The following DPP10 variants were observed in gnomAD, a reference collection of about 807,000 sequenced individuals.
DPP10 encodes dipeptidyl peptidase like 10.
In DPP10, 33 loss-of-function variants were observed where a neutral mutation model predicts 120.9. That is an observed-to-expected ratio of 0.27 (90% CI 0.21 to 0.37). DPP10 has a LOEUF of 0.37. DPP10 is among the 10% of genes least tolerant of loss of function. The pLI, the probability that DPP10 is intolerant of heterozygous loss-of-function variation, is 1.00. For missense variants in DPP10, 816 were observed against 942.8 expected (o/e 0.87, Z 1.76); for synonymous variants, 337 against 326.1 (o/e 1.03, Z -0.36).
intron 3 of DPP10, among the ~76,000 whole-genome samples, chr2:115,361,972 ATGTATGTTTGTGTG>A (rs1464013485): frequency 1.7e-4 from 25 of 149,950 alleles, no homozygotes; most frequent in South Asian, 1.3e-3. Context: ...TTGTTTTTGC[ATGTATGTTTGTGTG>A]TGTATGTTTG....
chr2:114,660,675 C>A (rs139707479), intron 1 of DPP10, among the ~76,000 whole-genome samples: 2 of 152,060 alleles, frequency 1.3e-5, no homozygotes, highest in African/African-American at 2.4e-5. Context: ...CTTTAATGTC[C>A]CTTTTAGCTC....
chr2:114,908,080 T>C (rs1694105165), intron 1 of DPP10, among the ~76,000 whole-genome samples: 1 of 152,034 alleles, frequency 6.6e-6, no homozygotes, highest in African/African-American at 2.4e-5. Flanking sequence ...GTAATATTTA[T>C]TTTTTGTTTT....
At chr2:115,211,354 G>C (rs983817255) in intron 1 of DPP10, among the ~76,000 whole-genome samples, 6 of 151,810 alleles carry the variant, frequency 4.0e-5, no homozygotes, top group Non-Finnish European at 7.4e-5. Flanking sequence ...TAGGAAGTCT[G>C]TGAGACAAAA....
At chr2:114,945,411 T>G (rs1326628655) in intron 1 of DPP10, among the ~76,000 whole-genome samples, 4 of 152,182 alleles carry the variant, frequency 2.6e-5, no homozygotes, top group Non-Finnish European at 5.9e-5. Context: ...TCAATTTTTT[T>G]AAATGGGCAA....
chr2:115,746,282 T>C (rs1330135068), intron 10 of DPP10, 99 bp downstream of exon 10: 2 of 1,065,714 alleles, frequency 1.9e-6, no homozygotes, highest in African/African-American at 1.6e-5. Context: ...GCTCAACAAA[T>C]CCACTTGAAA....
At chr2:114,708,894 T>C (rs1700848531) in intron 1 of DPP10, among the ~76,000 whole-genome samples, 1 of 152,166 alleles carries the variant, frequency 6.6e-6, no homozygotes, top group Non-Finnish European at 1.5e-5. Flanking sequence ...CAGCTGGGAC[T>C]ACAGGCACAC....
rs1678982080 is a variant in DPP10 at position 115,753,276 on chromosome 2, C to G, written c.1053C>G (p.Thr351=). ...QNISILTVCE[T]TTGACSKKYE... ...TCTCCATCCTCACAGTCTGTGAGACCACTACAGGTGCTTGTAGTAAAGTGA... is the reference window on the plus strand; with the variant it reads ...TCTCCATCCTCACAGTCTGTGAGACGACTACAGGTGCTTGTAGTAAAGTGA... The change falls in exon 11 of 26, where the codon ACC becomes ACG. Residue 351 remains threonine (T), a synonymous_variant. Coordinates refer to ENST00000410059, the MANE Select transcript of DPP10 (RefSeq NM_020868.6). 1 of 1,607,992 alleles carries G rather than the reference C, an allele frequency of 6.2e-7. No individual in the cohort carries two copies. The highest frequency in any genetic ancestry group is 8.5e-7 in the Non-Finnish European group (1 of 1,176,322).
At chr2:114,928,518 C>A (rs1014150497) in intron 1 of DPP10, among the ~76,000 whole-genome samples, 3 of 152,124 alleles carry the variant, frequency 2.0e-5, no homozygotes, top group Admixed American at 6.5e-5. Context: ...CAGCCCTGAC[C>A]CCATGGCTTT....
At chr2:115,101,875 T>C (rs1421810853) in intron 1 of DPP10, among the ~76,000 whole-genome samples, 1 of 152,178 alleles carries the variant, frequency 6.6e-6, no homozygotes, top group Admixed American at 6.5e-5. Flanking sequence ...AGGTTATCAA[T>C]ACAGTGGACC....
chr2:115,737,766 C>T (rs1159476562), intron 8 of DPP10, among the ~76,000 whole-genome samples: 1 of 152,126 alleles, frequency 6.6e-6, no homozygotes, highest in Non-Finnish European at 1.5e-5. Flanking sequence ...AATTCAATTC[C>T]TCTTTACTTT....
At chr2:115,634,881 G>A (rs1480613141) in intron 5 of DPP10, among the ~76,000 whole-genome samples, 2 of 151,582 alleles carry the variant, frequency 1.3e-5, no homozygotes, top group East Asian at 3.9e-4. Flanking sequence ...GTCCCAGAGA[G>A]ATTAGAGTTC....
intron 1 of DPP10, among the ~76,000 whole-genome samples, chr2:114,625,982 G>A (rs1294811953): frequency 1.3e-5 from 2 of 151,256 alleles, no homozygotes; most frequent in Admixed American, 1.3e-4. Flanking sequence ...TACATTGACA[G>A]AGCAGAGGAT....
At chr2:115,482,297 T>C (rs2075485742) in intron 3 of DPP10, among the ~76,000 whole-genome samples, 1 of 127,956 alleles carries the variant, frequency 7.8e-6, no homozygotes, top group South Asian at 2.6e-4. Context: ...TATATATATA[T>C]ATATCTGCAT....
intron 1 of DPP10, among the ~76,000 whole-genome samples, chr2:114,873,759 C>A (rs561251513): frequency 6.6e-6 from 1 of 152,236 alleles, no homozygotes; most frequent in East Asian, 1.9e-4. Context: ...CCTTAACTCA[C>A]GTCTGTTCAT....
chr2:114,578,273 A>C (rs1407328549), intron 1 of DPP10, among the ~76,000 whole-genome samples: 1 of 152,214 alleles, frequency 6.6e-6, no homozygotes, highest in East Asian at 1.9e-4. Context: ...CTCTGAGAAT[A>C]AAATGAAATA....
chr2:115,506,019 T>G (rs1441826674), intron 4 of DPP10, among the ~76,000 whole-genome samples: 1 of 148,684 alleles, frequency 6.7e-6, no homozygotes, highest in Non-Finnish European at 1.5e-5. Flanking sequence ...ACACTCAGTG[T>G]TTTATTACTT....
At chr2:115,393,311 A>T (rs1574690508) in intron 3 of DPP10, among the ~76,000 whole-genome samples, 1 of 10,422 alleles carries the variant, frequency 9.6e-5, no homozygotes, top group South Asian at 4.2e-3. Flanking sequence ...AGACTGTCTC[A>T]AAAAAAAAAA....
intron 3 of DPP10, among the ~76,000 whole-genome samples, chr2:115,463,432 G>A (rs843429): frequency 0.83 from 125,965 of 152,154 alleles, 55,195 homozygotes; most frequent in Non-Finnish European, 0.97. Context: ...ATAGTTGAAG[G>A]AAAGGTTTCT....
chr2:115,745,619 G>T (rs1435532951), intron 9 of DPP10, among the ~76,000 whole-genome samples: 1 of 150,496 alleles, frequency 6.6e-6, no homozygotes, highest in Non-Finnish European at 1.5e-5. Context: ...TTTAAGCACA[G>T]GGCACCTGGT....
Sources: gnomAD v4.1 joint callset for allele counts (sites outside exome capture counted in the v4.1 genomes callset) on GRCh38, gnomAD v4.1.1 for gene constraint, MANE v1.5 for transcripts, NCBI Gene and HGNC (gene_info 2026-07-23, HGNC 2026-07-21) for gene names.